SMIM7: variants seen among roughly 807,000 people sequenced by gnomAD.
SMIM7 encodes the protein UPF0608 protein C19orf42.
Under a neutral mutation model 13.3 loss-of-function variants are expected in SMIM7, and 12 were observed. The ratio of observed to expected loss-of-function variants is 0.90; its 90% CI spans 0.58 to 1.46. SMIM7 has a LOEUF of 1.46. SMIM7 is among the 40% of genes most tolerant of loss of function. SMIM7 has a pLI of 0.00. For missense variants in SMIM7, 114 were observed against 94.8 expected, an observed-to-expected ratio of 1.20 and a Z score of -0.84; for synonymous variants, 36 against 35.8, an observed-to-expected ratio of 1.01 and a Z score of -0.02.
At chr19:16,657,858 C>T (rs763091424) in intron 3 of SMIM7, among the ~76,000 whole-genome samples, 2 of 151,934 alleles carry the variant, frequency 1.3e-5, no homozygotes, top group Non-Finnish European at 2.9e-5. Flanking sequence ...CAGCGAGATA[C>T]CTATCTCTAC....
chr19:16,657,158 A>G (rs944249336), intron 3 of SMIM7, among the ~76,000 whole-genome samples: 1 of 152,178 alleles, frequency 6.6e-6, no homozygotes, highest in African/African-American at 2.4e-5. Flanking sequence ...AAATGCAGCC[A>G]CTATGGTATT....
intron 4 of SMIM7, chr19:16,652,833 A>C: frequency 1.3e-6 from 2 of 1,549,798 alleles, no homozygotes; most frequent in Non-Finnish European, 1.7e-6. Flanking sequence ...AGAGGCCAAG[A>C]ACACCAGATT....
At chr19:16,637,120 C>T (rs1229256048) in intron 4 of SMIM7, among the ~76,000 whole-genome samples, 1 of 152,224 alleles carries the variant, frequency 6.6e-6, no homozygotes, top group Non-Finnish European at 1.5e-5. Context: ...GAAACAGCCA[C>T]ACGTGGCTCC....
At chr19:16,648,557 G>GAAT (rs1568302648) in intron 4 of SMIM7, among the ~76,000 whole-genome samples, 1 of 152,158 alleles carries the variant, frequency 6.6e-6, no homozygotes, top group Non-Finnish European at 1.5e-5. Flanking sequence ...CTGATAACGA[G>GAAT]AATACACAAA....
chr19:16,652,432 G>T, intron 4 of SMIM7: 1 of 575,428 alleles, frequency 1.7e-6, no homozygotes, highest in Non-Finnish European at 2.2e-6. Flanking sequence ...GAACTCCTGG[G>T]CTCAAGCAAT....
Position 16,659,794 on chromosome 19 carries a change from T to TG in SMIM7, c.68+164dup, listed in dbSNP as rs1168124134. 1.1e-5 allele frequency: 9 copies of TG among 812,094 alleles called. No homozygotes were observed. The Admixed American group carries it at 1.7e-4, about 15-fold the overall frequency. 50.3% of individuals were successfully genotyped at this position (812,094 alleles called of 1,614,324 possible). The stretch of plus-strand genomic sequence containing the variant: ...TATGGGTTTAAGGTCTCTCGGGGGG[T>TG]GGGGGGCGAGGAAGATAAACCAGGC... On this transcript the variant is annotated intron_variant, in intron 2 of 4. Coordinates refer to ENST00000487416, the MANE Select transcript of SMIM7 (RefSeq NM_024104.4).
intron 4 of SMIM7, among the ~76,000 whole-genome samples, chr19:16,638,301 CT>C (rs375558591): frequency 0.013 from 1,631 of 122,752 alleles, 17 homozygotes; most frequent in African/African-American, 0.041. Context: ...TTTCTTTTTT[CT>C]TTTTTTTTTT....
chr19:16,637,199 C>T (rs2086366818), intron 4 of SMIM7, among the ~76,000 whole-genome samples: 1 of 152,164 alleles, frequency 6.6e-6, no homozygotes, highest in Non-Finnish European at 1.5e-5. Flanking sequence ...GCAGTATTAG[C>T]ATTACCAGGG....
At position 16,632,978 on chromosome 19, in the gene SMIM7, G is replaced by T. The variant is rs370980812; in HGVS notation, c.*138-1254C>A. Among the ~76,000 whole-genome samples, 5 of 152,318 alleles carry T rather than the reference G, an allele frequency of 3.3e-5. No individual in the cohort carries two copies. In the East Asian group the frequency reaches 7.7e-4, roughly 23 times the overall value. On this transcript the variant is annotated intron_variant and NMD_transcript_variant, in intron 4 of 4. Transcript: ENST00000465250. ...AAGGAAGTTCACTGAAGCACTATTTGTAAGAGTGAAAGATTGGAAGCAATG... is the reference window on the plus strand; with the variant it reads ...AAGGAAGTTCACTGAAGCACTATTTTTAAGAGTGAAAGATTGGAAGCAATG...
At chr19:16,653,031 C>T in intron 4 of SMIM7, 1 of 1,506,940 alleles carries the variant, frequency 6.6e-7, no homozygotes, top group Non-Finnish European at 9.0e-7. Flanking sequence ...GCTTCCAGCC[C>T]AGGTGGAGCA....
At chr19:16,658,336 C>G (rs2086623338) in intron 3 of SMIM7, among the ~76,000 whole-genome samples, 1 of 152,208 alleles carries the variant, frequency 6.6e-6, no homozygotes, top group African/African-American at 2.4e-5. Flanking sequence ...GTTAGGTACT[C>G]AAATATCTGG....
intron 4 of SMIM7, chr19:16,652,842 T>C (rs1858560670): frequency 3.9e-6 from 6 of 1,549,938 alleles, no homozygotes; most frequent in Non-Finnish European, 5.2e-6. Context: ...GAACACCAGA[T>C]TCTCCCGTCG....
chr19:16,660,137 C>A lies in SMIM7; in HGVS notation c.-27G>T. ...GTTACGGCCGAAGCGTCCGTCAGAA[C>A]CGGAAGCGGAAGCCCCAGGGAGGGA... On this transcript the variant is annotated 5_prime_UTR_variant, in exon 1 of 5. Coordinates refer to ENST00000487416, the MANE Select transcript of SMIM7 (RefSeq NM_024104.4). 1.9e-6 allele frequency: 3 copies of A among 1,613,990 alleles called. No individual in the cohort carries two copies. The highest frequency in any genetic ancestry group is 2.5e-6 in the Non-Finnish European group (3 of 1,179,984).
At chr19:16,657,779 C>A (rs1336261310) in intron 3 of SMIM7, among the ~76,000 whole-genome samples, 2 of 152,142 alleles carry the variant, frequency 1.3e-5, no homozygotes, top group Admixed American at 1.3e-4. Context: ...GCCTGTGATC[C>A]CAGCACTTTG....
chr19:16,638,581 T>C (rs543844538), intron 4 of SMIM7, among the ~76,000 whole-genome samples: 2 of 152,242 alleles, frequency 1.3e-5, no homozygotes, highest in South Asian at 4.1e-4. Flanking sequence ...GTGTTGGGAT[T>C]ACAGGCATGA....
chr19:16,659,703 T>C (rs937531332), intron 2 of SMIM7: 6 of 649,032 alleles, frequency 9.2e-6, no homozygotes, highest in African/African-American at 1.8e-5. Context: ...GGTGGGGCTA[T>C]TTCTTGGGGG....
At chr19:16,659,921 C>T (rs1166096829) in intron 2 of SMIM7, 38 bp downstream of exon 2, 2 of 1,592,240 alleles carry the variant, frequency 1.3e-6, no homozygotes, top group African/African-American at 2.7e-5. Context: ...GCTACGGGTT[C>T]CCCGGATGGA....
chr19:16,652,893 G>A (rs765061978), intron 4 of SMIM7: 11 of 1,550,546 alleles, frequency 7.1e-6, no homozygotes, highest in Admixed American at 2.0e-5. Flanking sequence ...CTCACAATTC[G>A]TTAACAGTAG....
At chr19:16,631,717 G>GC (rs2086322695) in exon 5 of SMIM7, 1 of 152,202 alleles carries the variant, frequency 6.6e-6, no homozygotes, top group Admixed American at 6.5e-5. Flanking sequence ...CATGTCAGAA[G>GC]CAAGCCCCTG....
Sources: gnomAD v4.1 joint callset for allele counts (sites outside exome capture counted in the v4.1 genomes callset) on GRCh38, gnomAD v4.1.1 for gene constraint, MANE v1.5 for transcripts, NCBI Gene and HGNC (gene_info 2026-07-23, HGNC 2026-07-21) for gene names.